Variants in TBL1XR1 observed in about 807,000 individuals in gnomAD.
The protein encoded by TBL1XR1 is TBL1X/Y related 1, also known as F-box-like/WD repeat-containing protein TBL1XR1.
In TBL1XR1, 5 loss-of-function variants were observed where a neutral mutation model predicts 66.9. The observed-to-expected ratio is 0.07, with a 90% CI of 0.04 to 0.16. The LOEUF (loss-of-function observed/expected upper bound fraction) is 0.16. Among genes scored for constraint, TBL1XR1 ranks in the 10% least tolerant of loss-of-function variants. The pLI, the probability that TBL1XR1 is intolerant of heterozygous loss-of-function variation, is 1.00. For synonymous variants in TBL1XR1, 210 were observed against 206.0 expected, an observed-to-expected ratio of 1.02 and a Z score of -0.17; for missense variants, 238 against 623.2, an observed-to-expected ratio of 0.38 and a Z score of 6.58.
intron 2 of TBL1XR1, among the ~76,000 whole-genome samples, chr3:177,080,835 C>A (rs943103219): frequency 1.3e-5 from 2 of 152,150 alleles, no homozygotes; most frequent in Admixed American, 1.3e-4. Context: ...TAACAACTAG[C>A]TTTAAGTTCA....
chr3:177,182,035 G>A (rs981907952), intron 1 of TBL1XR1, among the ~76,000 whole-genome samples: 1 of 152,130 alleles, frequency 6.6e-6, no homozygotes, highest in Non-Finnish European at 1.5e-5. Flanking sequence ...AAAGGATTCT[G>A]CAGATGACAA....
chr3:177,093,019 C>T (rs1355035234), intron 2 of TBL1XR1, among the ~76,000 whole-genome samples: 1 of 152,108 alleles, frequency 6.6e-6, no homozygotes, highest in Non-Finnish European at 1.5e-5. Flanking sequence ...AAGAGGAAGG[C>T]AAACTGTTGC....
chr3:177,080,323 T>C (rs1422177853), intron 2 of TBL1XR1, among the ~76,000 whole-genome samples: 2 of 152,184 alleles, frequency 1.3e-5, no homozygotes, highest in African/African-American at 4.8e-5. Flanking sequence ...CCTATTCACC[T>C]TTGGCCAGAC....
chr3:177,112,105 ATATTTTTT>A (rs1436975003), intron 1 of TBL1XR1, among the ~76,000 whole-genome samples: 4 of 40,282 alleles, frequency 9.9e-5, no homozygotes, highest in African/African-American at 1.4e-4. Flanking sequence ...ATATATATAT[ATATTTTTT>A]TTTTTTTTTT....
At chr3:177,199,939 G>T (rs1168249562), upstream of TBL1XR1, among the ~76,000 whole-genome samples, 1 of 152,060 alleles carries the variant, frequency 6.6e-6, no homozygotes. Flanking sequence ...ACCACTGTTG[G>T]ATCATACTAA....
chr3:177,135,022 G>C (rs1728761788), intron 1 of TBL1XR1, among the ~76,000 whole-genome samples: 1 of 147,350 alleles, frequency 6.8e-6, no homozygotes, highest in African/African-American at 2.5e-5. Context: ...CTGTCACTCA[G>C]GCTGGAGTGC....
chr3:177,179,656 AC>A (rs1734574984), intron 1 of TBL1XR1, among the ~76,000 whole-genome samples: 1 of 152,112 alleles, frequency 6.6e-6, no homozygotes, highest in Non-Finnish European at 1.5e-5. Flanking sequence ...TCAAACCAAG[AC>A]CTTTAAATTC....
intron 1 of TBL1XR1, among the ~76,000 whole-genome samples, chr3:177,158,942 C>T (rs373267357): frequency 3.3e-5 from 5 of 152,254 alleles, no homozygotes; most frequent in South Asian, 4.1e-4. Flanking sequence ...ACTAAATGGA[C>T]GTATTTTCCC....
intron 1 of TBL1XR1, among the ~76,000 whole-genome samples, chr3:177,156,838 T>G (rs895368576): frequency 6.6e-6 from 1 of 152,086 alleles, no homozygotes; most frequent in Non-Finnish European, 1.5e-5. Context: ...GGACAAAAAA[T>G]TGTGCTACAT....
At chr3:177,178,528 T>C (rs1469533414) in intron 1 of TBL1XR1, among the ~76,000 whole-genome samples, 4 of 152,014 alleles carry the variant, frequency 2.6e-5, no homozygotes, top group Non-Finnish European at 5.9e-5. Flanking sequence ...CAAATAAAAA[T>C]GTTTAATATT....
intron 1 of TBL1XR1, among the ~76,000 whole-genome samples, chr3:177,175,082 T>G (rs1450305913): frequency 6.6e-6 from 1 of 152,224 alleles, no homozygotes. Flanking sequence ...TTATTTTTTA[T>G]GGTAAATTAT....
intron 3 of TBL1XR1, among the ~76,000 whole-genome samples, chr3:177,058,347 G>C (rs1008520585): frequency 6.6e-6 from 1 of 151,994 alleles, no homozygotes; most frequent in African/African-American, 2.4e-5. Flanking sequence ...ATGACACAGG[G>C]GATCTTTGTT....
intron 1 of TBL1XR1, among the ~76,000 whole-genome samples, chr3:177,112,094 TA>T (rs1725674892): frequency 1.8e-4 from 9 of 49,060 alleles, no homozygotes; most frequent in African/African-American, 4.3e-4. Flanking sequence ...TATATATATA[TA>T]TATATATATA....
intron 2 of TBL1XR1, 124 bp downstream of exon 2, chr3:177,098,342 A>G (rs1001456192): frequency 1.7e-5 from 6 of 350,218 alleles, no homozygotes; most frequent in Non-Finnish European, 2.4e-5. Context: ...ATTTAAAAAA[A>G]AAACACTTAC....
chr3:177,059,349 C>T (rs1718211441), intron 3 of TBL1XR1, among the ~76,000 whole-genome samples: 1 of 151,946 alleles, frequency 6.6e-6, no homozygotes, highest in South Asian at 2.1e-4. Context: ...GAAACTGCTA[C>T]AATGAAACAA....
At chr3:177,045,050 C>T (rs550607718) in intron 10 of TBL1XR1, 3 of 151,972 alleles carry the variant, frequency 2.0e-5, no homozygotes, top group Non-Finnish European at 4.4e-5. Context: ...AATTGTTTAA[C>T]GATGTTTGCA....
intron 1 of TBL1XR1, among the ~76,000 whole-genome samples, chr3:177,161,199 T>G (rs1732168479): frequency 6.6e-6 from 1 of 152,186 alleles, no homozygotes; most frequent in African/African-American, 2.4e-5. Context: ...TTCCTGTTTC[T>G]CTGACTGTTT....
intron 4 of TBL1XR1, 93 bp downstream of exon 4, chr3:177,053,680 T>C (rs1407086446): frequency 7.8e-7 from 1 of 1,280,386 alleles, no homozygotes; most frequent in Non-Finnish European, 1.1e-6. Context: ...CCTGTGAAGC[T>C]AAAGTCAGAA....
intron 1 of TBL1XR1, among the ~76,000 whole-genome samples, chr3:177,158,229 C>CTTT (rs869191638): frequency 1.1e-3 from 43 of 40,656 alleles, no homozygotes; most frequent in African/African-American, 2.4e-3. Context: ...TGTTTCTTTT[C>CTTT]TTTTTTTTTT....
Sources: gnomAD v4.1 joint callset for allele counts (sites outside exome capture counted in the v4.1 genomes callset) on GRCh38, gnomAD v4.1.1 for gene constraint, MANE v1.5 for transcripts, NCBI Gene and HGNC (gene_info 2026-07-23, HGNC 2026-07-21) for gene names.